The following ADAMTSL4 variants were observed in gnomAD, a reference collection of about 807,000 sequenced individuals.
ADAMTSL4 encodes ADAMTS like 4.
A neutral mutation model predicts 122.8 loss-of-function variants in ADAMTSL4; 97 were observed. The observed-to-expected ratio is 0.79, with a 90% CI of 0.67 to 0.93. The LOEUF (loss-of-function observed/expected upper bound fraction) is 0.93, where lower values mean the gene tolerates loss of function less well. Among genes scored for constraint, ADAMTSL4 ranks in the 40% least tolerant of loss-of-function variants. The pLI is 0.00. For missense variants in ADAMTSL4, 1,408 were observed against 1,453.5 expected (o/e 0.97, Z 0.51); for synonymous variants, 592 against 568.0 (o/e 1.04, Z -0.60).
chr1:150,558,361 G>A, intron 14 of ADAMTSL4, 112 bp from the exon 15 acceptor site: 1 of 1,562,910 alleles, frequency 6.4e-7, no homozygotes, highest in South Asian at 1.2e-5. Flanking sequence ...ACGAAGCCAT[G>A]TGACTGCTGG....
Position 150,552,463 on chromosome 1 carries a change from C to A in ADAMTSL4, c.21-80C>A, listed in dbSNP as rs1671519213. 1 of 1,598,336 alleles carries A rather than the reference C, an allele frequency of 6.3e-7. No homozygotes were observed. The highest frequency in any genetic ancestry group is 1.7e-5 in the Admixed American group (1 of 59,656). On this transcript the variant is annotated intron_variant, in intron 3 of 18. Transcript: ENST00000271643. This position sits in a 1 kb window ranked among gnomAD's most constrained non-coding sequence, Gnocchi z 4.0. ...GAAGTTGGTAGTCAGGATATGGGAG[C>A]CGGCTGGGGGCGGAGGGCAGTGTTG... is the stretch of plus-strand genomic sequence containing the variant.
chr1:150,552,494 C>A lies in ADAMTSL4; in HGVS notation c.21-49C>A, dbSNP rs1323109264. 1 of 1,611,780 alleles carries A rather than the reference C, an allele frequency of 6.2e-7. No individual in the cohort carries two copies. Among genetic ancestry groups the A allele is most frequent in the Non-Finnish European group, 8.5e-7 (1 of 1,177,950 alleles). On this transcript the variant is annotated intron_variant, in intron 3 of 18. Transcript: ENST00000271643. This position sits in a 1 kb window ranked among gnomAD's most constrained non-coding sequence, Gnocchi z 4.0. Reference sequence around the variant, plus strand: ...GGGGGCGGAGGGCAGTGTTGCAACACCCCCTCTGGCTCCAGTCTGACGTCC... The same window carrying A: ...GGGGGCGGAGGGCAGTGTTGCAACAACCCCTCTGGCTCCAGTCTGACGTCC...
rs757300782 is a variant in ADAMTSL4, at chr1:150,553,631, C to T, written c.640C>T (p.Leu214Phe). Reference sequence around the variant, plus strand: ...CGCAAACGGCAGCCCCCAAACTGAGCTCCCTCCCACAGAACTGTCTGTCCA... The same window carrying T: ...CGCAAACGGCAGCCCCCAAACTGAGTTCCCTCCCACAGAACTGTCTGTCCA... ...FSANGSPQTELPPTELSVHTP... is the reference protein window; with the variant it reads ...FSANGSPQTEFPPTELSVHTP... Residue 214 changes from leucine to phenylalanine, a missense_variant, in exon 6 of 19, where the codon CTC (leucine) becomes TTC (phenylalanine). Coordinates refer to ENST00000271643, the MANE Select transcript of ADAMTSL4 (RefSeq NM_019032.6). 1 of 1,613,782 alleles carries T rather than the reference C, an allele frequency of 6.2e-7. No homozygotes were observed. The highest frequency in any genetic ancestry group is 1.1e-5 in the South Asian group (1 of 91,074).
rs992869949 is a variant in ADAMTSL4, at chr1:150,552,362, GCT to G, written c.20+57_20+58del. The G allele has an allele frequency of 4.0e-5, 62 of 1,546,202 alleles. No individual in the cohort carries two copies. In the African/African-American group the frequency reaches 7.1e-4, roughly 18 times the overall value. ...GAGGAAAAGGGGAGGTGCTGGGATGGCTCTGTGTCTGGAAGTGAGGGAAAGGG... is the reference window on the plus strand; with the variant it reads ...GAGGAAAAGGGGAGGTGCTGGGATGGCTGTGTCTGGAAGTGAGGGAAAGGG... On this transcript the variant is annotated intron_variant, in intron 3 of 18. Transcript: ENST00000271643. This position sits in a 1 kb window ranked among gnomAD's most constrained non-coding sequence, Gnocchi z 4.0.
In ADAMTSL4 at chr1:150,558,507, G is replaced by A. The variant is rs587625880; in HGVS notation, c.2417G>A (p.Arg806Gln). The change falls in exon 15 of 19, where the codon CGG becomes CAG. Residue 806 changes from arginine to glutamine, a missense_variant. Physicochemically the swap from Arg to Gln is conservative, Grantham distance 43. Transcript: ENST00000271643. ...CGGTGCGGCCGGGGCCAGAGAAGCC[G>A]GCAGGTTCGCTGTGTTGGGAACAAT... Reference protein sequence around the residue: ...SVRCGRGQRSRQVRCVGNNGD... With the variant: ...SVRCGRGQRSQQVRCVGNNGD... The A allele has an allele frequency of 1.9e-5, 31 of 1,613,778 alleles. No individual in the cohort carries two copies. Among genetic ancestry groups the A allele is most frequent in the Middle Eastern group, 1.6e-4 (1 of 6,062 alleles).
Position 150,556,270 on chromosome 1 carries a change from C to T in ADAMTSL4, c.1480C>T (p.Arg494Ter), listed in dbSNP as rs1471582038. The T allele has an allele frequency of 3.7e-6, 6 of 1,614,100 alleles. No homozygotes were observed. Among genetic ancestry groups the T allele is most frequent in the Admixed American group, 3.3e-5 (2 of 60,022 alleles). The part of the protein sequence containing the change: ...CRLVSGNLTD[R>*]GGPLGYQKIL... ...CCTTGTTTCGGGGAACCTCACTGAC[C>T]GAGGGGGCCCCCTGGGCTATCAGAA... The change falls in exon 9 of 19, where the codon CGA becomes TGA. Residue 494 changes from arginine (R) to a stop codon, truncating the protein, a stop_gained. Coordinates refer to ENST00000271643, the MANE Select transcript of ADAMTSL4 (RefSeq NM_019032.6). LOFTEE classifies it high-confidence loss of function. This position sits in a 1 kb window ranked among gnomAD's most constrained non-coding sequence, Gnocchi z 4.1.
intron 12 of ADAMTSL4, 73 bp from the exon 13 acceptor site, chr1:150,557,421 A>G: frequency 6.2e-7 from 1 of 1,609,208 alleles, no homozygotes; most frequent in Non-Finnish European, 8.5e-7. Flanking sequence ...GCCACGCCCG[A>G]CCCTGCGTCT....
rs1672205685 is a variant in ADAMTSL4 at position 150,557,019 on chromosome 1, C to T, written c.1830C>T (p.Thr610=). 1.2e-6 allele frequency: 2 copies of T among 1,614,014 alleles called. No individual in the cohort carries two copies. Among genetic ancestry groups the T allele is most frequent in the Non-Finnish European group, 8.5e-7 (1 of 1,179,954 alleles). Residue 610 remains threonine, a synonymous_variant, in exon 11 of 19, where the codon ACC becomes ACT. Coordinates refer to ENST00000271643, the MANE Select transcript of ADAMTSL4 (RefSeq NM_019032.6). ...SSPPPILENP[T]PEPPVPQLQP... ...CTCCTCCAATCCTTGAGAACCCCAC[C>T]CCAGAGCCCCCTGTCCCCCAGCTTC...
chr1:150,552,655 C>A lies in ADAMTSL4; in HGVS notation c.78+55C>A, dbSNP rs1671540468. On this transcript the variant is annotated intron_variant, in intron 4 of 18. Transcript: ENST00000271643. This position sits in a 1 kb window ranked among gnomAD's most constrained non-coding sequence, Gnocchi z 4.0. ...CCTGCCTGCCACCCTTTCATCTCCCCCTAGGCTCCCACCCCATCTCTCCAG... is the reference window on the plus strand; with the variant it reads ...CCTGCCTGCCACCCTTTCATCTCCCACTAGGCTCCCACCCCATCTCTCCAG... 1 of 1,568,346 alleles carries A rather than the reference C, an allele frequency of 6.4e-7. No individual in the cohort carries two copies. The highest frequency in any genetic ancestry group is 1.9e-5 in the Admixed American group (1 of 53,714).
intron 15 of ADAMTSL4, 40 bp from the exon 16 acceptor site, chr1:150,558,922 C>T: frequency 6.4e-7 from 1 of 1,568,848 alleles, no homozygotes. Flanking sequence ...GTGCCAGTCA[C>T]CAGCAGGCCC....
At position 150,556,479 on chromosome 1, in the gene ADAMTSL4, C is replaced by G. The variant is rs1314652568; in HGVS notation, c.1576+113C>G. ...GGAAGTCCAGGGCCTAGCCCCTCCC[C>G]TCGTGGAAGGAGTGAGGAAGCTGAG... On this transcript the variant is annotated intron_variant, in intron 9 of 18. Transcript: ENST00000271643. The surrounding 1 kb of genome is among the most constrained non-coding windows in gnomAD (Gnocchi z 4.1). 1.3e-6 allele frequency: 2 copies of G among 1,564,146 alleles called. No individual in the cohort carries two copies. Among genetic ancestry groups the G allele is most frequent in the Non-Finnish European group, 1.8e-6 (2 of 1,140,792 alleles).
chr1:150,558,307 G>T, intron 14 of ADAMTSL4, 158 bp downstream of exon 14: 4 of 1,510,246 alleles, frequency 2.6e-6, no homozygotes, highest in Non-Finnish European at 3.5e-6. Flanking sequence ...CTGAACCAGG[G>T]ACTGGGGGCC....
intron 5 of ADAMTSL4, 52 bp downstream of exon 5, chr1:150,553,305 A>G (rs1671630485): frequency 1.2e-6 from 2 of 1,608,798 alleles, no homozygotes; most frequent in South Asian, 2.2e-5. Flanking sequence ...GGGGCTTAGC[A>G]TGAAGGAAAG....
rs773335343 is a variant in ADAMTSL4, at chr1:150,559,066, G to A, written c.2664G>A (p.Gly888=). Reference sequence around the variant, plus strand: ...AGGGGGAAGCAGGAGCAGGAACTGGGCAGAGCTGTCCAACAGGAAGCCGGC... The same window carrying A: ...AGGGGGAAGCAGGAGCAGGAACTGGACAGAGCTGTCCAACAGGAAGCCGGC... The part of the protein sequence containing the change: ...PGQGEAGAGT[G]QSCPTGSRPP... Residue 888 remains glycine (G), a synonymous_variant, in exon 16 of 19, where the codon GGG becomes GGA. Coordinates refer to ENST00000271643, the MANE Select transcript of ADAMTSL4 (RefSeq NM_019032.6). The surrounding 1 kb of genome is among the most constrained non-coding windows in gnomAD (Gnocchi z 4.1). 2.5e-6 allele frequency: 4 copies of A among 1,612,696 alleles called. No individual in the cohort carries two copies. The highest frequency in any genetic ancestry group is 2.2e-5 in the South Asian group (2 of 91,050).
chr1:150,557,832 C>T (rs1672347773), intron 13 of ADAMTSL4, 113 bp from the exon 14 acceptor site: 1 of 1,427,794 alleles, frequency 7.0e-7, no homozygotes, highest in Non-Finnish European at 9.5e-7. Flanking sequence ...CCAAACGTGC[C>T]CACTCTCCTC....
rs1424572787 is a variant in ADAMTSL4, at chr1:150,555,468, G to A, written c.1274G>A (p.Arg425His). ...CGCTGTGAACTGAACTGCCGGCCCC[G>A]TGGCTTCCGCTTCTATGTCCGTCAC... ...SQRCELNCRPRGFRFYVRHTE... is the reference protein window; with the variant it reads ...SQRCELNCRPHGFRFYVRHTE... The change falls in exon 8 of 19, where the codon CGT becomes CAT. Residue 425 changes from arginine to histidine, a missense_variant. Coordinates refer to ENST00000271643, the MANE Select transcript of ADAMTSL4 (RefSeq NM_019032.6). The A allele has an allele frequency of 2.0e-5, 33 of 1,614,050 alleles. No individual in the cohort carries two copies. The highest frequency in any genetic ancestry group is 4.5e-5 in the East Asian group (2 of 44,898).
In ADAMTSL4 at chr1:150,552,376, A is replaced by G; in HGVS notation, c.20+68A>G. On this transcript the variant is annotated intron_variant, in intron 3 of 18. Coordinates refer to ENST00000271643, the MANE Select transcript of ADAMTSL4 (RefSeq NM_019032.6). The surrounding 1 kb of genome is among the most constrained non-coding windows in gnomAD (Gnocchi z 4.0). ...GTGCTGGGATGGCTCTGTGTCTGGAAGTGAGGGAAAGGGGACCACTGGGAG... is the reference window on the plus strand; with the variant it reads ...GTGCTGGGATGGCTCTGTGTCTGGAGGTGAGGGAAAGGGGACCACTGGGAG... 1 of 1,539,196 alleles carries G rather than the reference A, an allele frequency of 6.5e-7. No individual in the cohort carries two copies. Among genetic ancestry groups the G allele is most frequent in the South Asian group, 1.2e-5 (1 of 84,306 alleles).
At position 150,557,196 on chromosome 1, in the gene ADAMTSL4, C is replaced by T; in HGVS notation, c.1908C>T (p.Ala636=). 6.2e-7 allele frequency: 1 copy of T among 1,612,110 alleles called. No individual in the cohort carries two copies. The highest frequency in any genetic ancestry group is 8.5e-7 in the Non-Finnish European group (1 of 1,179,774). ...EPPLAPAPRP[A]RTPGTLQRQV... ...CACTTGCTCCGGCACCCCGCCCAGC[C>T]CGGACCCCAGGCACCCTCCAGCGTC... Residue 636 remains alanine (A), a synonymous_variant, in exon 12 of 19, where the codon GCC becomes GCT. Transcript: ENST00000271643.
chr1:150,556,921 ATCTTC>A lies in ADAMTSL4; in HGVS notation c.1750-10_1750-6del, dbSNP rs886045267. ...TTCTGGCCACCCCCACATATTCATT[ATCTTC>A]TCTTCTCCCCAGATGATCTTTCAGG... On this transcript the variant is annotated splice_polypyrimidine_tract_variant and intron_variant, in intron 10 of 18. Coordinates refer to ENST00000271643, the MANE Select transcript of ADAMTSL4 (RefSeq NM_019032.6). This position sits in a 1 kb window ranked among gnomAD's most constrained non-coding sequence, Gnocchi z 4.1. 4 of 1,612,278 alleles carry A rather than the reference ATCTTC, an allele frequency of 2.5e-6. No homozygotes were observed. The highest frequency in any genetic ancestry group is 1.7e-6 in the Non-Finnish European group (2 of 1,178,486).
Sources: gnomAD v4.1 joint callset for allele counts on GRCh38, gnomAD v4.1.1 for gene constraint, Gnocchi (gnomAD v3.1) non-coding constraint, MANE v1.5 for transcripts, NCBI Gene and HGNC (gene_info 2026-07-23, HGNC 2026-07-21) for gene names.